STEAP2: variants seen among roughly 807,000 people sequenced by gnomAD.
STEAP2 encodes STEAP2 metalloreductase.
In STEAP2, 30 loss-of-function variants were observed where a neutral mutation model predicts 46.4. That is an observed-to-expected ratio of 0.65 (90% confidence interval 0.48 to 0.88). STEAP2 has a LOEUF of 0.88. Among genes scored for constraint, STEAP2 ranks in the 40% least tolerant of loss-of-function variants. STEAP2 has a pLI of 0.00. For synonymous variants in STEAP2, 180 were observed against 200.5 expected (o/e 0.90, Z 0.86); for missense variants, 513 against 579.3 (o/e 0.89, Z 1.18).
chr7:90,225,704 AC>A (rs906198190), intron 3 of STEAP2, 130 bp downstream of exon 3: 15 of 1,057,714 alleles, frequency 1.4e-5, no homozygotes, highest in Admixed American at 6.1e-5. Flanking sequence ...AATTATGAGC[AC>A]CTGAAGATTA....
rs1795445283 is a variant in STEAP2, at chr7:90,225,430, G to A, written c.348G>A (p.Val116=). Reference sequence around the variant, plus strand: ...TTGTGGGTAAAATCCTGATTGATGTGAGCAATAACATGAGGATAAACCAGT... The same window carrying A: ...TTGTGGGTAAAATCCTGATTGATGTAAGCAATAACATGAGGATAAACCAGT... ...HLLVGKILID[V]SNNMRINQYP... is the part of the protein sequence containing the mutation. Residue 116 remains valine, a synonymous_variant, in exon 3 of 6, where the codon GTG becomes GTA. Coordinates refer to ENST00000394621, the MANE Select transcript of STEAP2 (RefSeq NM_001244944.2). 6.2e-7 allele frequency: 1 copy of A among 1,613,774 alleles called. No individual in the cohort carries two copies. The highest frequency in any genetic ancestry group is 8.5e-7 in the Non-Finnish European group (1 of 1,179,928).
At chr7:90,220,565 A>G (rs1300356513) in intron 2 of STEAP2, among the ~76,000 whole-genome samples, 1 of 110,970 alleles carries the variant, frequency 9.0e-6, no homozygotes, top group Non-Finnish European at 1.8e-5. Flanking sequence ...TTATCTTTTC[A>G]AAAAACAAAA....
In STEAP2 at chr7:90,236,671, A is replaced by G. The variant is rs1315211578; in HGVS notation, c.*4047A>G. 3.1e-6 allele frequency: 4 copies of G among 1,299,420 alleles called. No homozygotes were observed. The highest frequency in any genetic ancestry group is 3.8e-5 in the Admixed American group (1 of 26,156). The allele number at this position is 1,299,420 out of a possible 1,614,324, so 80.5% of individuals were successfully genotyped here. On this transcript the variant is annotated 3_prime_UTR_variant, in exon 6 of 6. Coordinates refer to ENST00000394621, the MANE Select transcript of STEAP2 (RefSeq NM_001244944.2). ...TGCTTAATTTTCAGAGATTCTTTCC[A>G]TATGTTACTAAAAAATGTTTTGTTC...
At position 90,234,098 on chromosome 7, in the gene STEAP2, C is replaced by T. The variant is rs968991497; in HGVS notation, c.*1474C>T. 6.9e-5 allele frequency: 68 copies of T among 985,274 alleles called. No individual in the cohort carries two copies. The highest frequency in any genetic ancestry group is 8.2e-5 in the Non-Finnish European group (68 of 829,934). The allele number at this position is 985,274 out of a possible 1,614,324, so 61.0% of individuals were successfully genotyped here. On this transcript the variant is annotated 3_prime_UTR_variant, in exon 6 of 6. Transcript: ENST00000394621. Reference sequence around the variant, plus strand: ...TCTCCTTTTCTCTTCCTGAGAAGTTCTCCTGCCTGCATAACCATTCATTAG... The same window carrying T: ...TCTCCTTTTCTCTTCCTGAGAAGTTTTCCTGCCTGCATAACCATTCATTAG...
chr7:90,218,927 A>G (rs1227369657), intron 2 of STEAP2, among the ~76,000 whole-genome samples: 1 of 152,004 alleles, frequency 6.6e-6, no homozygotes. Context: ...CCATTCGTTT[A>G]TGTCATCTTT....
rs1358619822 is a variant in STEAP2, at chr7:90,236,566, C to T, written c.*3942C>T. ...GTAATAATTTCAGTGGAAACTCAAT[C>T]TGTTTTTACCTTTAAACAGTGAATT... On this transcript the variant is annotated 3_prime_UTR_variant, in exon 6 of 6. Coordinates refer to ENST00000394621, the MANE Select transcript of STEAP2 (RefSeq NM_001244944.2). The T allele has an allele frequency of 1.9e-6, 2 of 1,040,010 alleles. No individual in the cohort carries two copies. The highest frequency in any genetic ancestry group is 5.5e-5 in the Admixed American group (1 of 18,184). 64.4% of individuals were successfully genotyped at this position (1,040,010 alleles called of 1,614,324 possible). A position where few individuals can be genotyped will look rare whatever the true frequency, so the allele number is the denominator to read the frequency against.
Position 90,236,463 on chromosome 7 carries a change from C to G in STEAP2, c.*3839C>G, listed in dbSNP as rs898448340. The G allele has an allele frequency of 1.0e-6, 1 of 995,780 alleles. No individual in the cohort carries two copies. The highest frequency in any genetic ancestry group is 1.2e-6 in the Non-Finnish European group (1 of 836,740). 61.7% of individuals were successfully genotyped at this position (995,780 alleles called of 1,614,324 possible). On this transcript the variant is annotated 3_prime_UTR_variant, in exon 6 of 6. Transcript: ENST00000394621. ...GATTTATATTGTGAAATGAGACACCCTACCTTCAATTGTTCATCAGTGGGT... is the reference window on the plus strand; with the variant it reads ...GATTTATATTGTGAAATGAGACACCGTACCTTCAATTGTTCATCAGTGGGT...
rs1795833108 is a variant in STEAP2 at position 90,233,254 on chromosome 7, G to A, written c.*630G>A. On this transcript the variant is annotated 3_prime_UTR_variant, in exon 6 of 6. Transcript: ENST00000394621. ...TATATTTAAAATATATTTGAGACATGAAATACATACTGATAATACATACCT... is the reference window on the plus strand; with the variant it reads ...TATATTTAAAATATATTTGAGACATAAAATACATACTGATAATACATACCT... 1 of 940,240 alleles carries A rather than the reference G, an allele frequency of 1.1e-6. No homozygotes were observed. Among genetic ancestry groups the A allele is most frequent in the Non-Finnish European group, 1.3e-6 (1 of 788,948 alleles). 58.2% of individuals were successfully genotyped at this position (940,240 alleles called of 1,614,324 possible).
chr7:90,225,921 G>GA (rs1260353974), intron 3 of STEAP2, among the ~76,000 whole-genome samples: 1 of 152,172 alleles, frequency 6.6e-6, no homozygotes, highest in Non-Finnish European at 1.5e-5. Flanking sequence ...AATTAAGCAT[G>GA]ATTATAAAAC....
downstream of STEAP2, among the ~76,000 whole-genome samples, chr7:90,238,473 T>C (rs1796018755): frequency 6.6e-6 from 1 of 152,202 alleles, no homozygotes; most frequent in South Asian, 2.1e-4. Flanking sequence ...ATGAAGCTAG[T>C]AGATAAATTC....
chr7:90,217,914 T>G (rs1795095535), intron 2 of STEAP2, among the ~76,000 whole-genome samples: 1 of 152,174 alleles, frequency 6.6e-6, no homozygotes, highest in South Asian at 2.1e-4. Context: ...CCCTTTTCTC[T>G]GAATCGTTGT....
chr7:90,220,135 A>T (rs919459738), intron 2 of STEAP2, among the ~76,000 whole-genome samples: 10 of 152,332 alleles, frequency 6.6e-5, no homozygotes, highest in Admixed American at 2.0e-4. Flanking sequence ...TGTGAAGATA[A>T]TGCTGACCTC....
Position 90,234,477 on chromosome 7 carries a change from C to T in STEAP2, c.*1853C>T. On this transcript the variant is annotated 3_prime_UTR_variant, in exon 6 of 6. Coordinates refer to ENST00000394621, the MANE Select transcript of STEAP2 (RefSeq NM_001244944.2). ...CCAGTGACTCTTTTTCTACAACTGC[C>T]TTGTCAGTTTGGTAATTCACTTATG... 2 of 984,762 alleles carry T rather than the reference C, an allele frequency of 2.0e-6. No homozygotes were observed. Among genetic ancestry groups the T allele is most frequent in the Non-Finnish European group, 2.4e-6 (2 of 829,756 alleles). The allele number at this position is 984,762 out of a possible 1,614,324, so 61.0% of individuals were successfully genotyped here. A position where few individuals can be genotyped will look rare whatever the true frequency, so the allele number is the denominator to read the frequency against.
Position 90,236,750 on chromosome 7 carries a change from G to T in STEAP2, c.*4126G>T. ...TTCTAAATTATTGAATTTCCATCAT[G>T]CATTCATCCAAAATTAAGGCAGACT... On this transcript the variant is annotated 3_prime_UTR_variant, in exon 6 of 6. Transcript: ENST00000394621. The T allele has an allele frequency of 7.0e-7, 1 of 1,419,778 alleles. No homozygotes were observed. The highest frequency in any genetic ancestry group is 9.2e-7 in the Non-Finnish European group (1 of 1,089,190). 87.9% of individuals were successfully genotyped at this position (1,419,778 alleles called of 1,614,324 possible). A position where few individuals can be genotyped will look rare whatever the true frequency, so the allele number is the denominator to read the frequency against.
In STEAP2 at chr7:90,234,040, G is replaced by A. The variant is rs956939556; in HGVS notation, c.*1416G>A. 17 of 985,204 alleles carry A rather than the reference G, an allele frequency of 1.7e-5. No homozygotes were observed. The highest frequency in any genetic ancestry group is 1.9e-5 in the Non-Finnish European group (16 of 829,928). The allele number at this position is 985,204 out of a possible 1,614,324, so 61.0% of individuals were successfully genotyped here. ...TGTTAACAAATTGCTGAGATCCCAC[G>A]GAGTCTTTCAAAAATCTCTGTAGAG... On this transcript the variant is annotated 3_prime_UTR_variant, in exon 6 of 6. Transcript: ENST00000394621.
chr7:90,227,246 TA>T lies in STEAP2; in HGVS notation c.772del (p.Thr258ProfsTer4), dbSNP rs1562809779. ...ACAAAATTCCTATAGAGATTGTGAA[TA>T]AAACCTTACCTATAGTTGCCATTAC... Reference protein sequence around the residue: ...FYKIPIEIVNKTLPIVAITLL... With the variant: ...FYKIPIEIVNXTLPIVAITLL... On this transcript the variant is annotated frameshift_variant, in exon 4 of 6. Coordinates refer to ENST00000394621, the MANE Select transcript of STEAP2 (RefSeq NM_001244944.2). The T allele has an allele frequency of 1.9e-6, 3 of 1,613,946 alleles. No individual in the cohort carries two copies. The highest frequency in any genetic ancestry group is 2.5e-6 in the Non-Finnish European group (3 of 1,179,890).
chr7:90,235,251 A>G lies in STEAP2; in HGVS notation c.*2627A>G, dbSNP rs1342577087. 30 of 983,598 alleles carry G rather than the reference A, an allele frequency of 3.1e-5. No individual in the cohort carries two copies. The highest frequency in any genetic ancestry group is 3.4e-5 in the Non-Finnish European group (28 of 828,324). The allele number at this position is 983,598 out of a possible 1,614,324, so 60.9% of individuals were successfully genotyped here. A position where few individuals can be genotyped will look rare whatever the true frequency, so the allele number is the denominator to read the frequency against. ...ATAAAAGATGCATCTGTTGTTTCAA[A>G]TGGCACTATCTTCTTTTCAGTACTA... is the stretch of plus-strand genomic sequence containing the variant. On this transcript the variant is annotated 3_prime_UTR_variant, in exon 6 of 6. Transcript: ENST00000394621.
chr7:90,227,098 G>A lies in STEAP2; in HGVS notation c.620G>A (p.Arg207Gln), dbSNP rs867030166. Residue 207 changes from arginine (R) to glutamine (Q), a missense_variant, in exon 4 of 6, where the codon CGA becomes CAA. By Grantham distance (43) the Arg-to-Gln change is conservative (BLOSUM62 1). Transcript: ENST00000394621. ...SAREIENLPLRLFTLWRGPVV... is the reference protein window; with the variant it reads ...SAREIENLPLQLFTLWRGPVV... ...AGAGAGATTGAAAATTTACCCCTACGACTCTTTACTCTCTGGAGAGGGCCA... is the reference window on the plus strand; with the variant it reads ...AGAGAGATTGAAAATTTACCCCTACAACTCTTTACTCTCTGGAGAGGGCCA... The A allele has an allele frequency of 2.6e-5, 42 of 1,613,610 alleles. No homozygotes were observed. Among genetic ancestry groups the A allele is most frequent in the Middle Eastern group, 1.6e-4 (1 of 6,076 alleles).
At chr7:90,226,528 C>T (rs1212688418) in intron 3 of STEAP2, among the ~76,000 whole-genome samples, 2 of 152,122 alleles carry the variant, frequency 1.3e-5, no homozygotes, top group Non-Finnish European at 2.9e-5. Flanking sequence ...TAGGATTTGT[C>T]ATTCATCTGG....
Sources: allele counts gnomAD v4.1 joint callset (sites outside exome capture counted in the v4.1 genomes callset), GRCh38; gene constraint gnomAD v4.1.1; transcripts MANE v1.5; gene names NCBI Gene and HGNC (gene_info 2026-07-23, HGNC 2026-07-21).